Variants in UNC13C observed in about 807,000 individuals in gnomAD.
UNC13C encodes unc-13 homolog C.
UNC13C carries 174 observed loss-of-function variants against 245.4 expected under a neutral mutation model. The observed-to-expected ratio is 0.71, with a 90% CI of 0.63 to 0.80. UNC13C has a LOEUF of 0.80. Among genes scored for constraint, UNC13C ranks in the 30% least tolerant of loss-of-function variants. UNC13C has a pLI of 0.00. For synonymous variants in UNC13C, 992 were observed against 895.1 expected (o/e 1.11, Z -1.93); for missense variants, 2,829 against 2,602.9 (o/e 1.09, Z -1.89).
chr15:54,490,954 T>A (rs1317521715), intron 19 of UNC13C, among the ~76,000 whole-genome samples: 1 of 152,188 alleles, frequency 6.6e-6, no homozygotes, highest in African/African-American at 2.4e-5. Flanking sequence ...TAAATTCATC[T>A]CCTCCAGGAG....
chr15:54,631,591 G>T (rs547992883), downstream of UNC13C: 86 of 152,094 alleles, frequency 5.7e-4, no homozygotes, highest in African/African-American at 2.0e-3. Flanking sequence ...CATATAAACG[G>T]AACTATACAG....
intron 8 of UNC13C, among the ~76,000 whole-genome samples, chr15:54,260,217 T>G (rs952419536): frequency 2.6e-5 from 4 of 152,152 alleles, no homozygotes; most frequent in African/African-American, 9.7e-5. Flanking sequence ...TGAAAGAATT[T>G]TGTGAGGCAT....
intron 32 of UNC13C, among the ~76,000 whole-genome samples, chr15:54,624,227 A>G (rs1900996130): frequency 6.6e-6 from 1 of 152,188 alleles, no homozygotes; most frequent in Non-Finnish European, 1.5e-5. Flanking sequence ...TGATAAAGTC[A>G]CAAATATTTG....
intron 4 of UNC13C, among the ~76,000 whole-genome samples, chr15:54,234,743 C>G (rs980654318): frequency 2.0e-5 from 3 of 152,150 alleles, no homozygotes; most frequent in African/African-American, 7.2e-5. Flanking sequence ...CATTTTGATT[C>G]TTTCCTCTGT....
chr15:54,572,537 T>C (rs918327332), intron 30 of UNC13C, among the ~76,000 whole-genome samples: 1 of 151,566 alleles, frequency 6.6e-6, no homozygotes, highest in Non-Finnish European at 1.5e-5. Flanking sequence ...GCGATTCTTC[T>C]GCCTCAGCCT....
downstream of UNC13C, chr15:54,631,052 A>C (rs1901448427): frequency 6.6e-6 from 1 of 152,180 alleles, no homozygotes; most frequent in African/African-American, 2.4e-5. Context: ...GTCTATTTTA[A>C]AACATAGTTT....
At chr15:54,553,999 T>A (rs1341687072) in intron 28 of UNC13C, among the ~76,000 whole-genome samples, 4 of 152,028 alleles carry the variant, frequency 2.6e-5, no homozygotes, top group African/African-American at 9.7e-5. Context: ...TATGATTAAC[T>A]TGAAATCCCC....
the UNC13C span, among the ~76,000 whole-genome samples, chr15:53,872,340 A>G: frequency 9.4e-5 from 7 of 74,166 alleles, no homozygotes; most frequent in Non-Finnish European, 6.3e-5. Context: ...AATGACCGCC[A>G]TTCATAGATT....
intron 30 of UNC13C, among the ~76,000 whole-genome samples, chr15:54,601,368 A>G (rs909014806): frequency 6.6e-6 from 1 of 152,156 alleles, no homozygotes; most frequent in Non-Finnish European, 1.5e-5. Context: ...CAGACCTACA[A>G]GAATATTACA....
chr15:53,903,892 T>C, the UNC13C span, among the ~76,000 whole-genome samples: 1 of 152,182 alleles, frequency 6.6e-6, no homozygotes, highest in Admixed American at 6.5e-5. Context: ...GATATTGAAA[T>C]TTCCATCTGA....
rs202005260 is a variant in UNC13C, at chr15:54,352,303, AT to A, written c.4713+13816del. Among the ~76,000 whole-genome samples, 626 of 144,844 alleles carry A rather than the reference AT, an allele frequency of 4.3e-3. 26 individuals are homozygous for A. The East Asian group carries it at 0.09, about 21-fold the overall frequency. On this transcript the variant is annotated intron_variant, in intron 17 of 32. Transcript: ENST00000260323. ...ACATTTATATAATTATATTTATATA[AT>A]TAATATATATTTTATATAAATATAA...
At chr15:54,021,300 A>G (rs1895895242) in intron 2 of UNC13C, among the ~76,000 whole-genome samples, 1 of 152,174 alleles carries the variant, frequency 6.6e-6, no homozygotes, top group Admixed American at 6.5e-5. Context: ...AGTCTAGCTC[A>G]AACTTTTTAC....
intron 22 of UNC13C, among the ~76,000 whole-genome samples, chr15:54,505,963 G>A (rs1482395621): frequency 6.6e-6 from 1 of 152,056 alleles, no homozygotes; most frequent in Non-Finnish European, 1.5e-5. Flanking sequence ...AGGCCATAGG[G>A]CATACTTCAA....
intron 4 of UNC13C, among the ~76,000 whole-genome samples, chr15:54,184,834 A>T (rs569408167): frequency 3.3e-5 from 5 of 152,314 alleles, no homozygotes; most frequent in African/African-American, 1.2e-4. Flanking sequence ...ATCCCTGAGC[A>T]ATTGCCACAC....
At chr15:54,075,760 T>C (rs1249682486) in intron 2 of UNC13C, among the ~76,000 whole-genome samples, 2 of 152,176 alleles carry the variant, frequency 1.3e-5, no homozygotes, top group Non-Finnish European at 2.9e-5. Context: ...GCATAATTTG[T>C]ATATGTATTG....
chr15:53,940,642 C>G, the UNC13C span, among the ~76,000 whole-genome samples: 270 of 152,188 alleles, frequency 1.8e-3, 1 homozygote, highest in Middle Eastern at 0.01. Flanking sequence ...AATCGATGTG[C>G]AGAAATCAGT....
At chr15:53,877,510 A>T in the UNC13C span, among the ~76,000 whole-genome samples, 2 of 152,132 alleles carry the variant, frequency 1.3e-5, no homozygotes, top group Admixed American at 1.3e-4. Flanking sequence ...TTCCTCAGGG[A>T]CTAGAAGAGG....
intron 17 of UNC13C, among the ~76,000 whole-genome samples, chr15:54,363,206 T>G (rs1390260436): frequency 1.3e-5 from 2 of 152,202 alleles, no homozygotes; most frequent in African/African-American, 2.4e-5. Flanking sequence ...CCTCCTGGGT[T>G]CAAGTGATTC....
intron 2 of UNC13C, among the ~76,000 whole-genome samples, chr15:54,108,028 C>T (rs1900535738): frequency 6.6e-6 from 1 of 152,098 alleles, no homozygotes; most frequent in Non-Finnish European, 1.5e-5. Flanking sequence ...AAAAAACATA[C>T]TTTAGAGAGA....
Sources: gnomAD v4.1 joint callset for allele counts (sites outside exome capture counted in the v4.1 genomes callset) on GRCh38, gnomAD v4.1.1 for gene constraint, MANE v1.5 for transcripts, NCBI Gene and HGNC (gene_info 2026-07-23, HGNC 2026-07-21) for gene names.